The following PPP6R3 variants were observed in gnomAD, a reference collection of about 807,000 sequenced individuals.
PPP6R3 encodes the protein protein phosphatase 6 regulatory subunit 3.
Under a neutral mutation model 110.7 loss-of-function variants are expected in PPP6R3, and 38 were observed. That is an observed-to-expected ratio of 0.34 (90% CI 0.26 to 0.45). PPP6R3 has a LOEUF of 0.45. Ranked by LOEUF, PPP6R3 falls within the 20% of genes least tolerant of loss-of-function variation. The probability of loss-of-function intolerance (pLI) is 1.00; values close to 1 mark genes in which losing one functional copy is unlikely to be tolerated. For synonymous variants in PPP6R3, 369 were observed against 373.5 expected, an observed-to-expected ratio of 0.99 and a Z score of 0.14; for missense variants, 870 against 1,062.4, an observed-to-expected ratio of 0.82 and a Z score of 2.52.
chr11:68,578,885 C>T (rs570678653), intron 14 of PPP6R3, among the ~76,000 whole-genome samples: 1 of 152,236 alleles, frequency 6.6e-6, no homozygotes, highest in South Asian at 2.1e-4. Flanking sequence ...ATCCAAAGAC[C>T]TCTGTGTTTT....
chr11:68,579,924 G>A (rs1025542854), intron 14 of PPP6R3, among the ~76,000 whole-genome samples: 2 of 152,204 alleles, frequency 1.3e-5, no homozygotes, highest in Admixed American at 6.5e-5. Flanking sequence ...TATGATGTTC[G>A]CATGATGACA....
At chr11:68,561,276 T>C (rs942213214) in intron 8 of PPP6R3, among the ~76,000 whole-genome samples, 4 of 152,156 alleles carry the variant, frequency 2.6e-5, no homozygotes, top group African/African-American at 9.7e-5. Context: ...TTTTTCCACC[T>C]TTTTTTAGAG....
At chr11:68,471,844 G>C (rs2098794103) in intron 1 of PPP6R3, among the ~76,000 whole-genome samples, 1 of 152,018 alleles carries the variant, frequency 6.6e-6, no homozygotes, top group African/African-American at 2.4e-5. Context: ...GGCATCCATG[G>C]GCTCCTCCCT....
Position 68,614,071 on chromosome 11 carries a change from T to G in PPP6R3, c.*954T>G. 1 of 985,912 alleles carries G rather than the reference T, an allele frequency of 1.0e-6. No homozygotes were observed. The allele number at this position is 985,912 out of a possible 1,614,324, so 61.1% of individuals were successfully genotyped here. A position where few individuals can be genotyped will look rare whatever the true frequency, so the allele number is the denominator to read the frequency against. ...CCTAAAATAAATCCTATTAGGCAAG[T>G]CAGTTGAAAATGCTCGTGCTGCTAA... On this transcript the variant is annotated 3_prime_UTR_variant, in exon 24 of 24. Transcript: ENST00000393800.
chr11:68,584,334 T>A (rs2099571589), intron 15 of PPP6R3, among the ~76,000 whole-genome samples: 1 of 152,148 alleles, frequency 6.6e-6, no homozygotes, highest in Admixed American at 6.5e-5. Context: ...CGCTCTGGTA[T>A]TGTCCCAGGA....
At chr11:68,516,758 GA>G (rs2099139188) in intron 1 of PPP6R3, among the ~76,000 whole-genome samples, 1 of 152,110 alleles carries the variant, frequency 6.6e-6, no homozygotes, top group Non-Finnish European at 1.5e-5. Flanking sequence ...TTAATTTTTT[GA>G]GGAATGAATG....
intron 3 of PPP6R3, 72 bp downstream of exon 3, chr11:68,537,963 A>G: frequency 1.7e-6 from 2 of 1,163,882 alleles, no homozygotes; most frequent in East Asian, 5.0e-5. Context: ...GCTCTTGTTC[A>G]AGGATTCTCC....
intron 1 of PPP6R3, among the ~76,000 whole-genome samples, chr11:68,485,406 C>G (rs772714684): frequency 1.3e-5 from 2 of 151,396 alleles, no homozygotes; most frequent in African/African-American, 2.4e-5. Flanking sequence ...GCTAGGACTT[C>G]CAGTATGATA....
intron 1 of PPP6R3, among the ~76,000 whole-genome samples, chr11:68,493,299 T>C (rs896841525): frequency 6.6e-6 from 1 of 152,210 alleles, no homozygotes; most frequent in African/African-American, 2.4e-5. Flanking sequence ...ATGTTTATAT[T>C]ACAGTATACA....
intron 15 of PPP6R3, among the ~76,000 whole-genome samples, chr11:68,584,282 C>T (rs1466248114): frequency 6.6e-6 from 1 of 152,152 alleles, no homozygotes; most frequent in Non-Finnish European, 1.5e-5. Context: ...CACCATGGCT[C>T]ATTGTGAGCC....
chr11:68,589,933 A>G (rs1260892033), intron 16 of PPP6R3, among the ~76,000 whole-genome samples: 1 of 152,242 alleles, frequency 6.6e-6, no homozygotes, highest in African/African-American at 2.4e-5. Context: ...TATTCTGTCC[A>G]TACCCCAGGA....
At chr11:68,569,574 AAATG>A (rs2099494488) in intron 10 of PPP6R3, among the ~76,000 whole-genome samples, 170 bp from the exon 11 acceptor site, 1 of 152,238 alleles carries the variant, frequency 6.6e-6, no homozygotes, top group Non-Finnish European at 1.5e-5. Flanking sequence ...AAACCACAGA[AAATG>A]AAACTGTGGT....
chr11:68,587,895 T>C, intron 15 of PPP6R3, 32 bp from the exon 16 acceptor site: 1 of 1,524,422 alleles, frequency 6.6e-7, no homozygotes, highest in Non-Finnish European at 9.1e-7. Context: ...TTAGAATCAT[T>C]ATATCACTGT....
At chr11:68,561,485 A>T (rs983493872) in intron 8 of PPP6R3, among the ~76,000 whole-genome samples, 2 of 152,232 alleles carry the variant, frequency 1.3e-5, no homozygotes, top group African/African-American at 4.8e-5. Context: ...ACAAAATGCC[A>T]CAAGAGCTGA....
At chr11:68,470,170 A>ATAAATGAAAGATACAGTAGCCATATGG (rs2098780163) in intron 1 of PPP6R3, among the ~76,000 whole-genome samples, 1 of 152,212 alleles carries the variant, frequency 6.6e-6, no homozygotes, top group Non-Finnish European at 1.5e-5. Context: ...CAGTTAACAG[A>ATAAATGAAAGATACAGTAGCCATATGG]TAAATGAAAG....
Position 68,601,912 on chromosome 11 carries a change from A to G in PPP6R3, c.2242A>G (p.Thr748Ala). The change falls in exon 21 of 24, where the codon ACT becomes GCT. Residue 748 changes from threonine to alanine, a missense_variant. Thr to Ala is a moderately conservative substitution (Grantham distance 58, BLOSUM62 0). Transcript: ENST00000393800. Reference sequence around the variant, plus strand: ...TTCTCCAGTGGAAATGGAAACCAGCACTGAACCCATGGACCCTCTGACTCC... The same window carrying G: ...TTCTCCAGTGGAAATGGAAACCAGCGCTGAACCCATGGACCCTCTGACTCC... ...SNSPVEMETS[T>A]EPMDPLTPSA... 6.2e-7 allele frequency: 1 copy of G among 1,613,720 alleles called. No individual in the cohort carries two copies. Among genetic ancestry groups the G allele is most frequent in the Non-Finnish European group, 8.5e-7 (1 of 1,179,844 alleles).
intron 14 of PPP6R3, among the ~76,000 whole-genome samples, chr11:68,578,290 G>C (rs76545081): frequency 0.011 from 1,623 of 152,246 alleles, 37 homozygotes; most frequent in African/African-American, 0.037. Flanking sequence ...AACACAACTT[G>C]GTAAATGCAG....
In PPP6R3 at chr11:68,503,171, T is replaced by A. The variant is rs551244003; in HGVS notation, c.-157-16330T>A. On this transcript the variant is annotated intron_variant, in intron 1 of 23. Coordinates refer to ENST00000393800, the MANE Select transcript of PPP6R3 (RefSeq NM_001164161.2). ...ATTGGACAGGCTGGTCTCAAACTCC[T>A]GACCTCGTGATCCGCCTGCCTCAGC... 8.5e-5 allele frequency among the ~76,000 whole-genome samples: 13 copies of A among 152,240 alleles called. No individual in the cohort carries two copies. The East Asian group carries it at 2.5e-3, about 29-fold the overall frequency.
At chr11:68,505,483 G>GT (rs2099071130) in intron 1 of PPP6R3, among the ~76,000 whole-genome samples, 2 of 152,132 alleles carry the variant, frequency 1.3e-5, no homozygotes, top group African/African-American at 2.4e-5. Context: ...TTGAATTATT[G>GT]TTTTTTATTT....
Sources: gnomAD v4.1 joint callset for allele counts (sites outside exome capture counted in the v4.1 genomes callset) on GRCh38, gnomAD v4.1.1 for gene constraint, MANE v1.5 for transcripts, NCBI Gene and HGNC (gene_info 2026-07-23, HGNC 2026-07-21) for gene names.